UNC79: variants seen among roughly 807,000 people sequenced by gnomAD.
UNC79 encodes unc-79 subunit of NALCN channel complex.
A neutral mutation model predicts 283.1 loss-of-function variants in UNC79; 37 were observed. The ratio of observed to expected loss-of-function variants is 0.13; its 90% CI spans 0.10 to 0.17. The LOEUF is 0.17. Among genes scored for constraint, UNC79 ranks in the 10% least tolerant of loss-of-function variants. UNC79 has a pLI of 1.00. For synonymous variants in UNC79, 1,107 were observed against 1,200.2 expected (o/e 0.92, Z 1.61); for missense variants, 2,272 against 3,211.1 (o/e 0.71, Z 7.07).
At chr14:93,417,719 T>C (rs2055494664) in intron 1 of UNC79, among the ~76,000 whole-genome samples, 1 of 152,156 alleles carries the variant, frequency 6.6e-6, no homozygotes, top group Non-Finnish European at 1.5e-5. Flanking sequence ...CTTTGTTCAT[T>C]TCTTTTTATT....
chr14:93,575,904 G>A (rs1332215243), intron 17 of UNC79, among the ~76,000 whole-genome samples: 9 of 152,152 alleles, frequency 5.9e-5, no homozygotes, highest in Admixed American at 2.6e-4. Context: ...TATGCCACAG[G>A]CCTCCAGCCA....
intron 4 of UNC79, among the ~76,000 whole-genome samples, chr14:93,484,813 G>A (rs1322540233): frequency 1.3e-5 from 2 of 152,150 alleles, no homozygotes; most frequent in African/African-American, 4.8e-5. Context: ...CTGTTAGAAG[G>A]CTAGGAAATT....
intron 26 of UNC79, among the ~76,000 whole-genome samples, chr14:93,606,724 C>T (rs1208358714): frequency 6.6e-6 from 1 of 152,160 alleles, no homozygotes; most frequent in Non-Finnish European, 1.5e-5. Flanking sequence ...CAATTTATGA[C>T]TCTCTGATCT....
At chr14:93,641,664 C>G (rs980672183) in intron 33 of UNC79, among the ~76,000 whole-genome samples, 5 of 152,112 alleles carry the variant, frequency 3.3e-5, no homozygotes, top group Admixed American at 6.5e-5. Flanking sequence ...CAAAACAAAA[C>G]AAAACAAAGC....
At chr14:93,704,664 A>G (rs755064531) in exon 48 of UNC79, 1 of 1,614,200 alleles carries the variant, frequency 6.2e-7, no homozygotes, top group East Asian at 2.2e-5. Flanking sequence ...GTCAAATATC[A>G]AGGTAAGTCA....
chr14:93,680,659 C>T (rs1028089260), intron 41 of UNC79, among the ~76,000 whole-genome samples: 1 of 152,062 alleles, frequency 6.6e-6, no homozygotes. Context: ...GGTGCCATCT[C>T]GGCTCACTGC....
At chr14:93,357,638 C>T (rs2054112804) in intron 1 of UNC79, among the ~76,000 whole-genome samples, 1 of 123,820 alleles carries the variant, frequency 8.1e-6, no homozygotes, top group African/African-American at 2.9e-5. Context: ...ATTGTGGGAC[C>T]TTGTGATTGT....
chr14:93,424,503 A>G (rs918073603), intron 1 of UNC79, among the ~76,000 whole-genome samples: 1 of 152,236 alleles, frequency 6.6e-6, no homozygotes, highest in Non-Finnish European at 1.5e-5. Flanking sequence ...TGTGGTACAT[A>G]TACACAAGAG....
chr14:93,703,847 A>G (rs1173478928), intron 47 of UNC79, among the ~76,000 whole-genome samples: 1 of 152,172 alleles, frequency 6.6e-6, no homozygotes, highest in Non-Finnish European at 1.5e-5. Context: ...GTGCCATGGG[A>G]CACAGTTTGA....
At position 93,635,912 on chromosome 14, in the gene UNC79, T is replaced by C. The variant is rs573433729; in HGVS notation, c.5717-1304T>C. ...CACCAAAGAGGACTGTGCTTTCTTCTTTATGGAGATGAAGCGATGTAAGGA... is the reference window on the plus strand; with the variant it reads ...CACCAAAGAGGACTGTGCTTTCTTCCTTATGGAGATGAAGCGATGTAAGGA... On this transcript the variant is annotated intron_variant, in intron 31 of 48. Transcript: ENST00000555664. Among the ~76,000 whole-genome samples, 8 of 152,330 alleles carry C rather than the reference T, an allele frequency of 5.3e-5. 1 individual carries two copies. In the South Asian group the frequency reaches 1.7e-3, roughly 32 times the overall value.
At chr14:93,528,460 G>T in intron 8 of UNC79, 98 bp from the exon 9 acceptor site, 1 of 1,138,456 alleles carries the variant, frequency 8.8e-7, no homozygotes, top group East Asian at 2.5e-5. Flanking sequence ...CACCTCGCTT[G>T]TGGAAAATCT....
chr14:93,542,447 C>T lies in UNC79; in HGVS notation c.1525-19C>T. The T allele has an allele frequency of 6.2e-7, 1 of 1,604,744 alleles. No homozygotes were observed. On this transcript the variant is annotated intron_variant, in intron 13 of 48. Transcript: ENST00000555664. ...AGATGGATGGAAGCCGAACAAGGTT[C>T]TAATCTACCTACTTCTAGGTGAGCC...
At chr14:93,351,871 C>T (rs141018146) in intron 1 of UNC79, among the ~76,000 whole-genome samples, 7 of 152,214 alleles carry the variant, frequency 4.6e-5, no homozygotes, top group East Asian at 3.9e-4. Context: ...TTAAAGCCTC[C>T]GACTGATTGG....
chr14:93,473,344 T>C (rs1221720454), intron 2 of UNC79, among the ~76,000 whole-genome samples: 1 of 152,130 alleles, frequency 6.6e-6, no homozygotes, highest in East Asian at 1.9e-4. Flanking sequence ...AAAACACACA[T>C]AAATAACCAT....
intron 1 of UNC79, among the ~76,000 whole-genome samples, chr14:93,423,884 G>C (rs531203000): frequency 6.6e-6 from 1 of 152,136 alleles, no homozygotes; most frequent in Non-Finnish European, 1.5e-5. Context: ...AAGTTAAAAG[G>C]CTTCTGCACA....
intron 1 of UNC79, among the ~76,000 whole-genome samples, chr14:93,449,993 G>A (rs781166992): frequency 2.0e-5 from 3 of 152,206 alleles, no homozygotes; most frequent in Non-Finnish European, 4.4e-5. Context: ...TCATGAAGAT[G>A]TGCGAAACAG....
At chr14:93,477,447 G>A in intron 3 of UNC79, 111 bp from the exon 4 acceptor site, 1 of 796,476 alleles carries the variant, frequency 1.3e-6, no homozygotes, top group Non-Finnish European at 1.9e-6. Flanking sequence ...TAGAGATGGA[G>A]CACTAGTTGC....
At chr14:93,599,732 A>G (rs1348906061) in intron 24 of UNC79, among the ~76,000 whole-genome samples, 1 of 152,214 alleles carries the variant, frequency 6.6e-6, no homozygotes. Context: ...CAGGTTCTCA[A>G]TCCATTCCAA....
intron 1 of UNC79, among the ~76,000 whole-genome samples, chr14:93,414,176 C>G (rs1159534016): frequency 6.6e-6 from 1 of 151,946 alleles, no homozygotes; most frequent in Non-Finnish European, 1.5e-5. Context: ...ACGTTTAAGT[C>G]TTTAATCCAT....
Sources: allele counts gnomAD v4.1 joint callset (sites outside exome capture counted in the v4.1 genomes callset), GRCh38; gene constraint gnomAD v4.1.1; transcripts MANE v1.5; gene names NCBI Gene and HGNC (gene_info 2026-07-23, HGNC 2026-07-21).